RUNX3: variants seen among roughly 807,000 people sequenced by gnomAD.
RUNX3 encodes the protein RUNX family transcription factor 3, also known as runt-related transcription factor 3.
Under a neutral mutation model 27.7 loss-of-function variants are expected in RUNX3, and 10 were observed. The ratio of observed to expected loss-of-function variants is 0.36; its 90% CI spans 0.22 to 0.61. The LOEUF (loss-of-function observed/expected upper bound fraction) is 0.61. RUNX3 is among the 20% of genes least tolerant of loss of function. RUNX3 has a pLI of 0.72. For synonymous variants in RUNX3, 270 were observed against 269.2 expected, an observed-to-expected ratio of 1.00 and a Z score of -0.03; for missense variants, 469 against 629.5, an observed-to-expected ratio of 0.75 and a Z score of 2.73.
At chr1:24,919,151 G>A in intron 3 of RUNX3, 89 bp downstream of exon 3, 1 of 759,954 alleles carries the variant, frequency 1.3e-6, no homozygotes, top group Non-Finnish European at 2.1e-6. Flanking sequence ...CCCCCGAGGA[G>A]GGCTCCATCT....
intron 2 of RUNX3, among the ~76,000 whole-genome samples, chr1:24,940,732 C>CA (rs34576113): frequency 0.19 from 23,467 of 126,496 alleles, 2,063 homozygotes; most frequent in South Asian, 0.31. Flanking sequence ...CTGTATCTAC[C>CA]AAAAAAAAAA....
intron 2 of RUNX3, among the ~76,000 whole-genome samples, chr1:24,936,781 G>T (rs1378005755): frequency 1.3e-5 from 2 of 152,208 alleles, no homozygotes; most frequent in Non-Finnish European, 2.9e-5. Flanking sequence ...GTCAGTCCTT[G>T]TGAAGCCTTA....
At chr1:24,945,242 GAAATT>G (rs1473281016) in intron 2 of RUNX3, among the ~76,000 whole-genome samples, 1 of 152,116 alleles carries the variant, frequency 6.6e-6, no homozygotes, top group African/African-American at 2.4e-5. Context: ...TCGTTTATCT[GAAATT>G]AAAATAATTT....
Position 24,902,488 on chromosome 1 carries a change from C to G in RUNX3, c.882G>C (p.Val294=). The change falls in exon 5 of 5, where the codon GTG becomes GTC. Residue 294 remains valine (V), a synonymous_variant. Coordinates refer to ENST00000308873, the MANE Select transcript of RUNX3 (RefSeq NM_004350.3). This position sits in a 1 kb window ranked among gnomAD's most constrained non-coding sequence, Gnocchi z 9.2. ...PSGTSISSLS[V]AGMPATSRFH... ...AGCGGCTGGTGGCCGGCATGCCCGC[C>G]ACGCTGAGGCTGCTGATGCTCGTGC... 6.2e-7 allele frequency: 1 copy of G among 1,600,022 alleles called. No individual in the cohort carries two copies. Among genetic ancestry groups the G allele is most frequent in the Non-Finnish European group, 8.5e-7 (1 of 1,169,750 alleles).
rs115158947 is a variant in RUNX3, at chr1:24,955,892, T to C, written c.58+8622A>G. The stretch of plus-strand genomic sequence containing the variant: ...TGCCCAGAACAGTGCTTGCATGCAG[T>C]AGATGCTCAATAAATGTTCATTGAA... On this transcript the variant is annotated intron_variant, in intron 2 of 6. Coordinates refer to the RUNX3 transcript ENST00000338888. Among the ~76,000 whole-genome samples, 294 of 152,344 alleles carry C rather than the reference T, an allele frequency of 1.9e-3. 1 individual carries two copies. Among genetic ancestry groups the C allele is most frequent in the African/African-American group, 6.9e-3 (285 of 41,580 alleles).
At chr1:24,915,592 C>T (rs775846748) in intron 3 of RUNX3, among the ~76,000 whole-genome samples, 7 of 152,086 alleles carry the variant, frequency 4.6e-5, no homozygotes, top group African/African-American at 1.2e-4. Context: ...TTGAAACAGG[C>T]GGGCTGCTGA....
At chr1:24,931,899 C>G (rs138495390), upstream of RUNX3, among the ~76,000 whole-genome samples, 1 of 152,334 alleles carries the variant, frequency 6.6e-6, no homozygotes, top group South Asian at 2.1e-4. Flanking sequence ...TTGTCGATTG[C>G]GGACCCAGGC....
intron 2 of RUNX3, among the ~76,000 whole-genome samples, chr1:24,937,347 T>C (rs2124328005): frequency 6.6e-6 from 1 of 152,360 alleles, no homozygotes; most frequent in African/African-American, 2.4e-5. Flanking sequence ...CATTTTGTAC[T>C]GGGCCCCCCA....
chr1:24,901,103 T>C lies in RUNX3; in HGVS notation c.*1019A>G, dbSNP rs1056562260. On this transcript the variant is annotated 3_prime_UTR_variant, in exon 5 of 5. Coordinates refer to ENST00000308873, the MANE Select transcript of RUNX3 (RefSeq NM_004350.3). ...ACAAAACAGGTTACAGACAGGTGTGTGCCAGGAGTCGCAAGATTTGGCTGG... is the reference window on the plus strand; with the variant it reads ...ACAAAACAGGTTACAGACAGGTGTGCGCCAGGAGTCGCAAGATTTGGCTGG... The C allele has an allele frequency of 4.7e-5, 7 of 148,902 alleles. No individual in the cohort carries two copies. Among genetic ancestry groups the C allele is most frequent in the African/African-American group, 1.8e-4 (7 of 39,788 alleles). The allele number at this position is 148,902 out of a possible 1,614,324, so 9.2% of individuals were successfully genotyped here. A position where few individuals can be genotyped will look rare whatever the true frequency, so the allele number is the denominator to read the frequency against.
At position 24,899,586 on chromosome 1, in the gene RUNX3, A is replaced by G. The variant is rs578199316; in HGVS notation, c.*2536T>C. On this transcript the variant is annotated 3_prime_UTR_variant, in exon 5 of 5. Transcript: ENST00000308873. ...CCATTTTACAGTTAAATAGTACAGAAGACAGTTTACTGTACAAGCAAGTTG... is the reference window on the plus strand; with the variant it reads ...CCATTTTACAGTTAAATAGTACAGAGGACAGTTTACTGTACAAGCAAGTTG... 3 of 152,852 alleles carry G rather than the reference A, an allele frequency of 2.0e-5. No homozygotes were observed. The highest frequency in any genetic ancestry group is 7.2e-5 in the African/African-American group (3 of 41,578). The allele number at this position is 152,852 out of a possible 1,614,324, so 9.5% of individuals were successfully genotyped here.
At chr1:24,925,139 A>G (rs1003984853) in intron 2 of RUNX3, among the ~76,000 whole-genome samples, 1 of 152,152 alleles carries the variant, frequency 6.6e-6, no homozygotes, top group Non-Finnish European at 1.5e-5. Flanking sequence ...CCCATCTCCT[A>G]AAGTGGCCCA....
At position 24,927,498 on chromosome 1, in the gene RUNX3, G is replaced by T. The variant is rs1219853852; in HGVS notation, c.439+76C>A. The T allele has an allele frequency of 2.1e-5, 31 of 1,442,812 alleles. No individual in the cohort carries two copies. Among genetic ancestry groups the T allele is most frequent in the African/African-American group, 8.4e-5 (6 of 71,588 alleles). 89.4% of individuals were successfully genotyped at this position (1,442,812 alleles called of 1,614,324 possible). ...GAGACCTGTTTTTCGGGATTCTAAGGCCCCTCTTTCAACCTCCTTCCCTGC... is the reference window on the plus strand; with the variant it reads ...GAGACCTGTTTTTCGGGATTCTAAGTCCCCTCTTTCAACCTCCTTCCCTGC... On this transcript the variant is annotated intron_variant, in intron 2 of 4. Coordinates refer to ENST00000308873, the MANE Select transcript of RUNX3 (RefSeq NM_004350.3). This position sits in a 1 kb window ranked among gnomAD's most constrained non-coding sequence, Gnocchi z 5.0.
chr1:24,946,324 C>T (rs778993888), intron 2 of RUNX3, among the ~76,000 whole-genome samples: 7 of 152,182 alleles, frequency 4.6e-5, no homozygotes, highest in Non-Finnish European at 1.0e-4. Flanking sequence ...ACTGGGTGTT[C>T]AGCCTTCTGC....
intron 2 of RUNX3, among the ~76,000 whole-genome samples, chr1:24,924,020 G>A (rs768937198): frequency 2.8e-5 from 4 of 145,274 alleles, no homozygotes; most frequent in Non-Finnish European, 4.6e-5. Context: ...AGCACCCAAC[G>A]CTGCCCAGGG....
rs974990052 is a variant in RUNX3 at position 24,907,272 on chromosome 1, C to A, written c.690G>T (p.Gln230His). The change falls in exon 4 of 5, where the codon CAG (glutamine) becomes CAT (histidine). Residue 230 changes from glutamine (Q) to histidine (H), a missense_variant. Physicochemically the swap from Gln to His is conservative, Grantham distance 24 (BLOSUM62 0). Coordinates refer to ENST00000308873, the MANE Select transcript of RUNX3 (RefSeq NM_004350.3). ...STTSHFSSQP[Q>H]TPIQGTSELN... ...TCCGTGCCGTACCTTGGATTGGGGT[C>A]TGGGGCTGGCTGCTGAAGTGGCTTG... The A allele has an allele frequency of 6.2e-7, 1 of 1,611,146 alleles. No individual in the cohort carries two copies. The highest frequency in any genetic ancestry group is 1.3e-5 in the African/African-American group (1 of 74,912).
intron 2 of RUNX3, among the ~76,000 whole-genome samples, chr1:24,950,063 T>G (rs528266516): frequency 7.2e-5 from 11 of 152,334 alleles, no homozygotes; most frequent in African/African-American, 2.6e-4. Context: ...GCACTGTATT[T>G]CTGGGGGTCC....
In RUNX3 at chr1:24,908,227, CCTCTATGACACGCGGTGATCT is replaced by C. The variant is rs1557837379; in HGVS notation, c.545-831_545-811del. On this transcript the variant is annotated intron_variant, in intron 3 of 4. Coordinates refer to ENST00000308873, the MANE Select transcript of RUNX3 (RefSeq NM_004350.3). ...CCTCTACGACACGCGGTGATCTGAA[CCTCTATGACACGCGGTGATCT>C]GAACCTCTACGACACGCGGTGATCC... Among the ~76,000 whole-genome samples, 184 of 150,544 alleles carry C rather than the reference CCTCTATGACACGCGGTGATCT, an allele frequency of 1.2e-3. 5 individuals are homozygous for C. Among genetic ancestry groups the C allele is most frequent in the African/African-American group, 4.2e-3 (171 of 40,586 alleles).
chr1:24,929,932 G>GCGGGCGCCTCCT lies in RUNX3; in HGVS notation c.-76_-65dup, dbSNP rs1641183715. ...GCGGCTTCCCCCGGGGGCGGCCGGCGCGGGCGCCTCCTCGGCCGCCGCTGC... is the reference window on the plus strand; with the variant it reads ...GCGGCTTCCCCCGGGGGCGGCCGGCGCGGGCGCCTCCTCGGGCGCCTCCTCGGCCGCCGCTGC... On this transcript the variant is annotated 5_prime_UTR_variant, in exon 1 of 5. Coordinates refer to ENST00000308873, the MANE Select transcript of RUNX3 (RefSeq NM_004350.3). 1 of 1,222,472 alleles carries GCGGGCGCCTCCT rather than the reference G, an allele frequency of 8.2e-7. No homozygotes were observed. The highest frequency in any genetic ancestry group is 1.0e-6 in the Non-Finnish European group (1 of 983,382). 75.7% of individuals were successfully genotyped at this position (1,222,472 alleles called of 1,614,324 possible).
chr1:24,932,368 A>G (rs1211331084), upstream of RUNX3, among the ~76,000 whole-genome samples: 2 of 151,896 alleles, frequency 1.3e-5, no homozygotes, highest in African/African-American at 4.8e-5. Context: ...TCCCCAGACC[A>G]AGGTCGCGGG....
Sources: allele counts gnomAD v4.1 joint callset (sites outside exome capture counted in the v4.1 genomes callset), GRCh38; gene constraint gnomAD v4.1.1; non-coding constraint Gnocchi (gnomAD v3.1); transcripts MANE v1.5; gene names NCBI Gene and HGNC (gene_info 2026-07-23, HGNC 2026-07-21).